The following PDK1 variants were observed in gnomAD, a reference collection of about 807,000 sequenced individuals.
PDK1 encodes the protein pyruvate dehydrogenase kinase 1.
Under a neutral mutation model 54.2 loss-of-function variants are expected in PDK1, and 39 were observed. The ratio of observed to expected loss-of-function variants is 0.72; its 90% CI spans 0.56 to 0.94. The LOEUF (loss-of-function observed/expected upper bound fraction) is 0.94, where lower values mean the gene tolerates loss of function less well. Among genes scored for constraint, PDK1 ranks in the 40% least tolerant of loss-of-function variants. PDK1 has a pLI of 0.00. For synonymous variants in PDK1, 221 were observed against 207.1 expected (o/e 1.07, Z -0.58); for missense variants, 552 against 566.0 (o/e 0.98, Z 0.25).
chr2:172,621,409 A>G, the PDK1 span, among the ~76,000 whole-genome samples: 1 of 151,968 alleles, frequency 6.6e-6, no homozygotes, highest in Non-Finnish European at 1.5e-5. Flanking sequence ...CCTGCCCTTG[A>G]ACATCGGACA....
the PDK1 span, among the ~76,000 whole-genome samples, chr2:172,703,707 T>G: frequency 6.6e-6 from 1 of 151,928 alleles, no homozygotes; most frequent in African/African-American, 2.4e-5. Context: ...CACTTTGTGT[T>G]TTTATGTAAG....
intron 8 of PDK1, among the ~76,000 whole-genome samples, chr2:172,573,555 A>G (rs552199362): frequency 6.6e-6 from 1 of 151,544 alleles, no homozygotes; most frequent in East Asian, 1.9e-4. Context: ...ATATGTGTAT[A>G]TATACGCATA....
chr2:172,718,513 A>C, the PDK1 span, among the ~76,000 whole-genome samples: 11 of 152,382 alleles, frequency 7.2e-5, no homozygotes, highest in Admixed American at 1.3e-4. Context: ...AGTTCTTTTA[A>C]TATAGCATTC....
At chr2:172,564,183 AG>A (rs1688812507) in intron 3 of PDK1, 2 of 483,026 alleles carry the variant, frequency 4.1e-6, no homozygotes, top group Non-Finnish European at 8.2e-6. Flanking sequence ...CCATCCTCTT[AG>A]CCAGTGCTCA....
chr2:172,569,548 C>A (rs1023409754), intron 7 of PDK1, among the ~76,000 whole-genome samples: 21 of 152,136 alleles, frequency 1.4e-4, no homozygotes, highest in African/African-American at 5.1e-4. Flanking sequence ...CATCAGCCAG[C>A]AGCAAACTAG....
At chr2:172,609,932 G>A (rs561713964), downstream of PDK1, among the ~76,000 whole-genome samples, 301 of 151,918 alleles carry the variant, frequency 2.0e-3, no homozygotes, top group Middle Eastern at 6.8e-3. Context: ...AATGATTCTC[G>A]TGCCTCAGCC....
chr2:172,634,322 G>T, the PDK1 span, among the ~76,000 whole-genome samples: 28 of 101,742 alleles, frequency 2.8e-4, no homozygotes, highest in South Asian at 8.9e-3. Flanking sequence ...GCCCAGGCTG[G>T]AGTGCAATGG....
chr2:172,594,922 C>T (rs1024120490), intron 10 of PDK1, among the ~76,000 whole-genome samples: 3 of 152,110 alleles, frequency 2.0e-5, no homozygotes, highest in Admixed American at 6.5e-5. Context: ...TGAAATCATG[C>T]ATGATGCAGA....
chr2:172,594,735 G>C (rs1690797643), intron 10 of PDK1, among the ~76,000 whole-genome samples: 1 of 152,174 alleles, frequency 6.6e-6, no homozygotes, highest in Non-Finnish European at 1.5e-5. Flanking sequence ...ATCAGAATGA[G>C]ATTTTCTTGT....
At chr2:172,646,014 A>G in the PDK1 span, among the ~76,000 whole-genome samples, 34 of 152,248 alleles carry the variant, frequency 2.2e-4, no homozygotes. Flanking sequence ...CTTTATAAAC[A>G]TGTACCTTTA....
At chr2:172,626,754 C>T in the PDK1 span, among the ~76,000 whole-genome samples, 1 of 127,146 alleles carries the variant, frequency 7.9e-6, no homozygotes. Flanking sequence ...GATCATGCCA[C>T]TGCACTTAAA....
intron 4 of PDK1, 129 bp from the exon 5 acceptor site, chr2:172,564,848 AT>A: frequency 2.4e-6 from 2 of 849,148 alleles, no homozygotes; most frequent in Non-Finnish European, 3.7e-6. Context: ...TTTTTATTGA[AT>A]GTAAAATACT....
the PDK1 span, among the ~76,000 whole-genome samples, chr2:172,670,850 G>A: frequency 1.3e-5 from 2 of 152,094 alleles, no homozygotes; most frequent in Non-Finnish European, 2.9e-5. Context: ...CATGATTCAG[G>A]TCTTGAGATA....
the PDK1 span, among the ~76,000 whole-genome samples, chr2:172,658,200 G>A: frequency 2.0e-5 from 3 of 152,110 alleles, no homozygotes; most frequent in Non-Finnish European, 4.4e-5. Context: ...CATGAGATTT[G>A]GTGAAAACAA....
the PDK1 span, among the ~76,000 whole-genome samples, chr2:172,651,937 A>G: frequency 6.6e-6 from 1 of 152,250 alleles, no homozygotes; most frequent in Non-Finnish European, 1.5e-5. Flanking sequence ...CAATCAATAG[A>G]AAAAGAGGGA....
the PDK1 span, among the ~76,000 whole-genome samples, chr2:172,709,792 C>T: frequency 6.6e-6 from 1 of 152,174 alleles, no homozygotes; most frequent in Non-Finnish European, 1.5e-5. Context: ...CACATCACTT[C>T]TTCCAGTCTG....
At chr2:172,700,776 C>T in the PDK1 span, among the ~76,000 whole-genome samples, 1 of 152,176 alleles carries the variant, frequency 6.6e-6, no homozygotes, top group Non-Finnish European at 1.5e-5. Flanking sequence ...CCGAGGCTGG[C>T]AGATCACTCG....
At chr2:172,687,355 A>G in the PDK1 span, among the ~76,000 whole-genome samples, 18 of 152,034 alleles carry the variant, frequency 1.2e-4, no homozygotes, top group Non-Finnish European at 2.4e-4. Context: ...TTAAAAAAAC[A>G]TATTCTGGAT....
the PDK1 span, among the ~76,000 whole-genome samples, chr2:172,644,507 A>C: frequency 2.6e-5 from 4 of 152,220 alleles, no homozygotes; most frequent in African/African-American, 9.6e-5. Context: ...TGAAACACAC[A>C]GAGTATAGAG....
Sources: gnomAD v4.1 joint callset for allele counts (sites outside exome capture counted in the v4.1 genomes callset) on GRCh38, gnomAD v4.1.1 for gene constraint, MANE v1.5 for transcripts, NCBI Gene and HGNC (gene_info 2026-07-23, HGNC 2026-07-21) for gene names.